The following ANKRD11 variants were observed in gnomAD, a reference collection of about 807,000 sequenced individuals.
ANKRD11 encodes the protein ankyrin repeat domain 11.
Under a neutral mutation model 195.7 loss-of-function variants are expected in ANKRD11, and 17 were observed. The ratio of observed to expected loss-of-function variants is 0.09; its 90% CI spans 0.06 to 0.13. The LOEUF (loss-of-function observed/expected upper bound fraction) is 0.13, where lower values mean the gene tolerates loss of function less well. ANKRD11 is among the 10% of genes least tolerant of loss of function. ANKRD11 has a pLI of 1.00. For synonymous variants in ANKRD11, 1,953 were observed against 1,528.1 expected (o/e 1.28, Z -6.49); for missense variants, 3,735 against 3,566.1 (o/e 1.05, Z -1.21).
intron 4 of ANKRD11, among the ~76,000 whole-genome samples, chr16:89,296,680 C>T (rs2035456644): frequency 1.3e-5 from 2 of 152,246 alleles, no homozygotes; most frequent in African/African-American, 4.8e-5. Flanking sequence ...CCTCTCAGAA[C>T]AGCTTTCTTC....
rs1419042231 is a variant in ANKRD11, at chr16:89,432,942, CTA to C, written c.-144-14576_-144-14575del. 6.4e-3 allele frequency among the ~76,000 whole-genome samples: 281 copies of C among 44,224 alleles called. 2 individuals are homozygous for C. Among genetic ancestry groups the C allele is most frequent in the African/African-American group, 0.019 (218 of 11,270 alleles). 29.0% of individuals were successfully genotyped at this position (44,224 alleles called of 152,430 possible). A position where few individuals can be genotyped will look rare whatever the true frequency, so the allele number is the denominator to read the frequency against. The stretch of plus-strand genomic sequence containing the variant: ...ACTCCAGCCATGGGTGACAGAGACC[CTA>C]TCTCTCTCTCTCTCTCTCTCTCTCT... On this transcript the variant is annotated intron_variant, in intron 1 of 12. Transcript: ENST00000301030.
intron 2 of ANKRD11, among the ~76,000 whole-genome samples, chr16:89,366,785 G>A (rs2039968089): frequency 6.6e-6 from 1 of 152,164 alleles, no homozygotes; most frequent in Non-Finnish European, 1.5e-5. Context: ...TCCCACTTCC[G>A]GGGGCACCCA....
rs543577892 is a variant in ANKRD11 at position 89,462,477 on chromosome 16, T to C, written c.-145+27768A>G. 2.0e-3 allele frequency among the ~76,000 whole-genome samples: 306 copies of C among 152,242 alleles called. 4 individuals carry two copies. Among genetic ancestry groups the C allele is most frequent in the African/African-American group, 6.8e-3 (283 of 41,546 alleles). On this transcript the variant is annotated intron_variant, in intron 1 of 12. Coordinates refer to ENST00000301030, the MANE Select transcript of ANKRD11 (RefSeq NM_013275.6). ...CCCAAAGTGCCGAGACTGCAACCTC[T>C]GCCCGGCCGCCACCCCGTCTGGGAA...
Position 89,318,463 on chromosome 16 carries a change from G to A in ANKRD11, c.-59-1385C>T, listed in dbSNP as rs115485235. ...TTCCGCCACAGCAGCACCTCTGTGC[G>A]CGACCATGCCGGGAGAAGCAGCTTC... On this transcript the variant is annotated intron_variant, in intron 2 of 12. Transcript: ENST00000301030. 2.8e-3 allele frequency among the ~76,000 whole-genome samples: 429 copies of A among 152,322 alleles called. 3 individuals carry two copies. The highest frequency in any genetic ancestry group is 9.6e-3 in the African/African-American group (400 of 41,564).
chr16:89,389,860 A>G (rs1327732481), intron 2 of ANKRD11, among the ~76,000 whole-genome samples: 4 of 107,968 alleles, frequency 3.7e-5, no homozygotes, highest in Non-Finnish European at 5.8e-5. Flanking sequence ...CACCGAGAGA[A>G]AGAAGATCAC....
intron 2 of ANKRD11, chr16:89,324,327 G>T (rs1366097838): frequency 8.1e-7 from 1 of 1,227,318 alleles, no homozygotes; most frequent in Non-Finnish European, 1.1e-6. Flanking sequence ...CAGCAGTCGG[G>T]GCGACGTGGG....
chr16:89,301,377 T>C, intron 4 of ANKRD11: 1 of 395,722 alleles, frequency 2.5e-6, no homozygotes, highest in Non-Finnish European at 4.4e-6. Flanking sequence ...ATGCTTTCAG[T>C]GATAAGGCTT....
At chr16:89,470,594 C>G (rs1168130491) in intron 1 of ANKRD11, among the ~76,000 whole-genome samples, 2 of 152,142 alleles carry the variant, frequency 1.3e-5, no homozygotes, top group African/African-American at 4.8e-5. Flanking sequence ...GCCTCTAATC[C>G]CAGCACTTTG....
chr16:89,337,137 G>A (rs1377552886), intron 2 of ANKRD11, among the ~76,000 whole-genome samples: 1 of 151,518 alleles, frequency 6.6e-6, no homozygotes, highest in East Asian at 1.9e-4. Flanking sequence ...AGTGAGTTGA[G>A]ATCACACCAC....
chr16:89,358,610 ATAAT>A lies in ANKRD11; in HGVS notation c.-59-41536_-59-41533del, dbSNP rs551155488. On this transcript the variant is annotated intron_variant, in intron 2 of 12. Coordinates refer to ENST00000301030, the MANE Select transcript of ANKRD11 (RefSeq NM_013275.6). ...TGTACTCACAAAAACTTTAAAAATAATAATTAATAAATAAACAGAATGACTAAGA... is the reference window on the plus strand; with the variant it reads ...TGTACTCACAAAAACTTTAAAAATAATAATAAATAAACAGAATGACTAAGA... Among the ~76,000 whole-genome samples the A allele has an allele frequency of 3.9e-5, 6 of 152,352 alleles. No homozygotes were observed. In the East Asian group the frequency reaches 5.8e-4, roughly 15 times the overall value.
At chr16:89,343,881 A>G (rs2038814657) in intron 2 of ANKRD11, 1 of 152,266 alleles carries the variant, frequency 6.6e-6, no homozygotes, top group South Asian at 2.1e-4. Context: ...ATGGACCAAC[A>G]GAGTAGGGAA....
At chr16:89,448,826 C>CG (rs1398486984) in intron 1 of ANKRD11, among the ~76,000 whole-genome samples, 1 of 152,118 alleles carries the variant, frequency 6.6e-6, no homozygotes, top group Non-Finnish European at 1.5e-5. Context: ...ACGTGAGTCC[C>CG]GGCATGCGGG....
chr16:89,358,035 C>CCT (rs2039565426), intron 2 of ANKRD11, among the ~76,000 whole-genome samples: 1 of 152,194 alleles, frequency 6.6e-6, no homozygotes, highest in African/African-American at 2.4e-5. Flanking sequence ...AAGACTGAAC[C>CCT]CTCTTACTGC....
chr16:89,280,011 C>T lies in ANKRD11; in HGVS notation c.6531G>A (p.Gly2177=), dbSNP rs767440106. The T allele has an allele frequency of 6.2e-7, 1 of 1,612,544 alleles. No individual in the cohort carries two copies. Residue 2177 remains glycine, a synonymous_variant, in exon 9 of 13, where the codon GGG becomes GGA. Coordinates refer to ENST00000301030, the MANE Select transcript of ANKRD11 (RefSeq NM_013275.6). ...CCTCAGCCACTACGGTGGAAACATC[C>T]CCACCGTTTATGACCCCGGGGGCCC... is the stretch of plus-strand genomic sequence containing the variant. ...PPGAPGVING[G]DVSTVVAEEP... is the part of the protein sequence containing the mutation.
intron 2 of ANKRD11, among the ~76,000 whole-genome samples, chr16:89,379,462 T>G (rs183563465): frequency 6.6e-6 from 1 of 152,340 alleles, no homozygotes; most frequent in Admixed American, 6.5e-5. Context: ...AACCAGCTCA[T>G]GTAACTCTGC....
At chr16:89,440,224 T>C (rs1258234177) in intron 1 of ANKRD11, among the ~76,000 whole-genome samples, 1 of 152,194 alleles carries the variant, frequency 6.6e-6, no homozygotes, top group East Asian at 1.9e-4. Context: ...TAATTAGAAA[T>C]GAACATTTTA....
intron 2 of ANKRD11, among the ~76,000 whole-genome samples, chr16:89,398,296 G>A (rs1045118534): frequency 7.8e-4 from 113 of 145,234 alleles, no homozygotes; most frequent in African/African-American, 2.8e-3. Context: ...AGCACTCTGG[G>A]AGGCTGACAT....
intron 2 of ANKRD11, among the ~76,000 whole-genome samples, chr16:89,333,867 G>A (rs1292994893): frequency 6.6e-6 from 1 of 152,174 alleles, no homozygotes; most frequent in Non-Finnish European, 1.5e-5. Context: ...TATTCTGTGA[G>A]TATGTTCCCA....
At chr16:89,409,519 C>T (rs2042036080) in intron 2 of ANKRD11, among the ~76,000 whole-genome samples, 1 of 152,154 alleles carries the variant, frequency 6.6e-6, no homozygotes, top group Non-Finnish European at 1.5e-5. Context: ...TAGCTTTTCA[C>T]AAGAGCAGGA....
Sources: gnomAD v4.1 joint callset for allele counts (sites outside exome capture counted in the v4.1 genomes callset) on GRCh38, gnomAD v4.1.1 for gene constraint, MANE v1.5 for transcripts, NCBI Gene and HGNC (gene_info 2026-07-23, HGNC 2026-07-21) for gene names.